Variants in SLC35B3 observed in about 807,000 individuals in gnomAD.
SLC35B3 encodes the protein adenosine 3'-phospho 5'-phosphosulfate transporter 2.
Under a neutral mutation model 44.1 loss-of-function variants are expected in SLC35B3, and 35 were observed. The ratio of observed to expected loss-of-function variants is 0.79; its 90% CI spans 0.61 to 1.05. SLC35B3 has a LOEUF of 1.05. Ranked by LOEUF, SLC35B3 falls within the 50% of genes least tolerant of loss-of-function variation. SLC35B3 has a pLI of 0.00. For missense variants in SLC35B3, 414 were observed against 476.4 expected (o/e 0.87, Z 1.22); for synonymous variants, 146 against 167.3 (o/e 0.87, Z 0.98).
chr6:8,416,762 T>C (rs1581230978), intron 9 of SLC35B3, 122 bp downstream of exon 8: 2 of 468,290 alleles, frequency 4.3e-6, no homozygotes, highest in East Asian at 3.4e-5. Context: ...AAAGAATAAA[T>C]TGGTGAAATA....
At chr6:8,429,724 T>G in intron 3 of SLC35B3, 140 bp downstream of exon 2, 1 of 565,978 alleles carries the variant, frequency 1.8e-6, no homozygotes, top group Non-Finnish European at 3.0e-6. Flanking sequence ...GAAGCTCTTT[T>G]CTACTCTATA....
In SLC35B3 at chr6:8,413,550, T is replaced by A. The variant is rs201176928; in HGVS notation, c.1205A>T (p.Ter402LeuextTer11). ...TATTTTAAATAGGACAATCACTGTC[T>A]ATACAGTCTGTGCCAGCGTCCTTGA... Residue 402 changes from the stop codon to leucine (L), a stop_lost, in exon 11 of 11, where the codon TAG becomes TTG. Transcript: ENST00000644923. 2 of 1,607,110 alleles carry A rather than the reference T, an allele frequency of 1.2e-6. No individual in the cohort carries two copies. Among genetic ancestry groups the A allele is most frequent in the African/African-American group, 2.7e-5 (2 of 74,688 alleles).
Position 8,434,465 on chromosome 6 carries a change from G to T in SLC35B3, c.-43-35C>A. ...ACGATTATAAAACAGAAAAAACAAAGTTCCATCTCATTTCTTTGTACACAC... is the reference window on the plus strand; with the variant it reads ...ACGATTATAAAACAGAAAAAACAAATTTCCATCTCATTTCTTTGTACACAC... On this transcript the variant is annotated intron_variant, in intron 1 of 10. Transcript: ENST00000644923. The surrounding 1 kb of genome is among the most constrained non-coding windows in gnomAD (Gnocchi z 6.3). 2.5e-6 allele frequency: 4 copies of T among 1,586,582 alleles called. No homozygotes were observed. Among genetic ancestry groups the T allele is most frequent in the Non-Finnish European group, 3.4e-6 (4 of 1,161,558 alleles).
chr6:8,422,511 C>A lies in SLC35B3; in HGVS notation c.533G>T (p.Cys178Phe), dbSNP rs907580615. The A allele has an allele frequency of 6.2e-7, 1 of 1,613,450 alleles. No homozygotes were observed. Among genetic ancestry groups the A allele is most frequent in the African/African-American group, 1.3e-5 (1 of 74,890 alleles). Residue 178 changes from cysteine to phenylalanine, a missense_variant, in exon 5 of 11, where the codon TGC becomes TTC. By Grantham distance (205) the Cys-to-Phe change is radical. Coordinates refer to ENST00000644923, the MANE Select transcript of SLC35B3 (RefSeq NM_001370476.2). ...TCCTAGCATAACAGGAATCAATTTGCAGCACTTGAAGATGACTTGGGTAGG... is the reference window on the plus strand; with the variant it reads ...TCCTAGCATAACAGGAATCAATTTGAAGCACTTGAAGATGACTTGGGTAGG...
intron 7 of SLC35B3, among the ~76,000 whole-genome samples, chr6:8,418,286 AC>A (rs1762595817): frequency 6.6e-6 from 1 of 152,064 alleles, no homozygotes; most frequent in South Asian, 2.1e-4. Flanking sequence ...GCCCATCCTT[AC>A]CTTATCTACA....
chr6:8,417,322 CTT>C, intron 8 of SLC35B3, 78 bp downstream of exon 7: 1 of 887,838 alleles, frequency 1.1e-6, no homozygotes, highest in South Asian at 1.5e-5. Context: ...ATGATAGCCT[CTT>C]TTGAACAAGG....
rs144715773 is a variant in SLC35B3 at position 8,411,955 on chromosome 6, T to C, written c.*1594A>G. The stretch of plus-strand genomic sequence containing the variant: ...TTGAATTTAGACTCAAAACTATGCA[T>C]GCAACATTCCTATGGTCTGAATGTT... On this transcript the variant is annotated 3_prime_UTR_variant, in exon 11 of 11. Coordinates refer to ENST00000644923, the MANE Select transcript of SLC35B3 (RefSeq NM_001370476.2). Among the ~76,000 whole-genome samples the C allele has an allele frequency of 0.014, 2,129 of 152,298 alleles. 24 individuals carry two copies. The highest frequency in any genetic ancestry group is 0.019 in the Non-Finnish European group (1,284 of 68,016).
In SLC35B3 at chr6:8,434,282, A is replaced by T; in HGVS notation, c.3+103T>A. ...AGGACAAAAGTCCCACACCAAAAAA[A>T]GGTAGAATATGAAAAAAAAGTCATT... On this transcript the variant is annotated intron_variant, in intron 2 of 10. Transcript: ENST00000644923. The surrounding 1 kb of genome is among the most constrained non-coding windows in gnomAD (Gnocchi z 6.3). 1 of 1,089,444 alleles carries T rather than the reference A, an allele frequency of 9.2e-7. No homozygotes were observed. Among genetic ancestry groups the T allele is most frequent in the Non-Finnish European group, 1.4e-6 (1 of 724,802 alleles). 67.5% of individuals were successfully genotyped at this position (1,089,444 alleles called of 1,614,324 possible). A position where few individuals can be genotyped will look rare whatever the true frequency, so the allele number is the denominator to read the frequency against.
chr6:8,428,197 A>C, intron 3 of SLC35B3, 139 bp from the exon 3 acceptor site: 1 of 734,868 alleles, frequency 1.4e-6, no homozygotes. Context: ...GAGAGGTTAG[A>C]AGCTCTTTCA....
intron 10 of SLC35B3, among the ~76,000 whole-genome samples, chr6:8,414,240 A>C (rs1762212881): frequency 6.6e-6 from 1 of 152,180 alleles, no homozygotes; most frequent in African/African-American, 2.4e-5. Flanking sequence ...ATAATCTGTA[A>C]TATATTGATG....
intron 9 of SLC35B3, among the ~76,000 whole-genome samples, chr6:8,415,915 G>T (rs1482931786): frequency 1.3e-5 from 2 of 152,130 alleles, no homozygotes. Flanking sequence ...CCACTGCATA[G>T]CATGAGGATG....
rs899210062 is a variant in SLC35B3 at position 8,423,246 on chromosome 6, T to C, written c.420-622A>G. 3.9e-5 allele frequency among the ~76,000 whole-genome samples: 6 copies of C among 152,232 alleles called. No individual in the cohort carries two copies. In the East Asian group the frequency reaches 1.2e-3, roughly 29 times the overall value. On this transcript the variant is annotated intron_variant, in intron 4 of 10. Transcript: ENST00000644923. ...TGTTCTGTTTCCTAATGTTTCCATC[T>C]AGCATTAGGAAAAATACATCTATCC... is the stretch of plus-strand genomic sequence containing the variant.
chr6:8,433,223 C>A lies in SLC35B3; in HGVS notation c.3+1162G>T, dbSNP rs1361040666. Among the ~76,000 whole-genome samples the A allele has an allele frequency of 6.6e-6, 1 of 152,116 alleles. No individual in the cohort carries two copies. Among genetic ancestry groups the A allele is most frequent in the Non-Finnish European group, 1.5e-5 (1 of 68,032 alleles). ...TATAATCAATTCTTCCCTTTCTGAC[C>A]CATCTGTCACATGGCTCAACGTGAA... On this transcript the variant is annotated intron_variant, in intron 2 of 10. Coordinates refer to ENST00000644923, the MANE Select transcript of SLC35B3 (RefSeq NM_001370476.2). This position sits in a 1 kb window ranked among gnomAD's most constrained non-coding sequence, Gnocchi z 4.1.
intron 3 of SLC35B3, chr6:8,429,656 C>A (rs770558113): frequency 1.2e-4 from 47 of 392,552 alleles, no homozygotes; most frequent in Non-Finnish European, 1.8e-4. Flanking sequence ...TCAAGATAGT[C>A]TCTACATATG....
At position 8,413,362 on chromosome 6, in the gene SLC35B3, C is replaced by T. The variant is rs772035132; in HGVS notation, c.*187G>A. 2.0e-6 allele frequency: 1 copy of T among 506,292 alleles called. No individual in the cohort carries two copies. 31.4% of individuals were successfully genotyped at this position (506,292 alleles called of 1,614,324 possible). Reference sequence around the variant, plus strand: ...CTGCTAGACGTGGCTCTCTTGATTGCTTTGGAAGTCAGTCAAACAAATGCT... The same window carrying T: ...CTGCTAGACGTGGCTCTCTTGATTGTTTTGGAAGTCAGTCAAACAAATGCT... On this transcript the variant is annotated 3_prime_UTR_variant, in exon 11 of 11. Coordinates refer to ENST00000644923, the MANE Select transcript of SLC35B3 (RefSeq NM_001370476.2).
At chr6:8,413,756 T>A in intron 10 of SLC35B3, 57 bp from the exon 10 acceptor site, 1 of 1,145,770 alleles carries the variant, frequency 8.7e-7, no homozygotes, top group Non-Finnish European at 1.2e-6. Context: ...AATTTACTAT[T>A]AACCACAGAA....
intron 2 of SLC35B3, among the ~76,000 whole-genome samples, chr6:8,431,422 T>C (rs1763974347): frequency 6.6e-6 from 1 of 152,174 alleles, no homozygotes; most frequent in Non-Finnish European, 1.5e-5. Context: ...TGATCACTTC[T>C]AGTTTGCTAA....
chr6:8,416,083 A>T (rs1216848405), intron 9 of SLC35B3, among the ~76,000 whole-genome samples: 2 of 152,140 alleles, frequency 1.3e-5, no homozygotes, highest in Non-Finnish European at 2.9e-5. Flanking sequence ...CAAGTCACTT[A>T]ACCTCCCCGT....
chr6:8,427,248 A>C (rs1275819489), intron 4 of SLC35B3, among the ~76,000 whole-genome samples: 1 of 152,210 alleles, frequency 6.6e-6, no homozygotes, highest in African/African-American at 2.4e-5. Context: ...TTAATCCCCA[A>C]GACAATGGGG....
Sources: allele counts gnomAD v4.1 joint callset (sites outside exome capture counted in the v4.1 genomes callset), GRCh38; gene constraint gnomAD v4.1.1; non-coding constraint Gnocchi (gnomAD v3.1); transcripts MANE v1.5; gene names NCBI Gene and HGNC (gene_info 2026-07-23, HGNC 2026-07-21).